The following MED24 variants were observed in gnomAD, a reference collection of about 807,000 sequenced individuals.
The protein encoded by MED24 is mediator of RNA polymerase II transcription subunit 24.
Under a neutral mutation model 118.8 loss-of-function variants are expected in MED24, and 74 were observed. That is an observed-to-expected ratio of 0.62 (90% CI 0.52 to 0.76). The LOEUF is 0.76. Among genes scored for constraint, MED24 ranks in the 30% least tolerant of loss-of-function variants. The pLI, the probability that MED24 is intolerant of heterozygous loss-of-function variation, is 0.00. For missense variants in MED24, 1,041 were observed against 1,278.9 expected, an observed-to-expected ratio of 0.81 and a Z score of 2.84; for synonymous variants, 521 against 523.9, an observed-to-expected ratio of 0.99 and a Z score of 0.08.
chr17:40,026,318 T>A lies in MED24; in HGVS notation c.1823A>T (p.Asn608Ile), dbSNP rs1401630486. The change falls in exon 19 of 26, where the codon AAC becomes ATC. Residue 608 changes from asparagine (N) to isoleucine (I), a missense_variant. Physicochemically the swap from Asn to Ile is moderately radical, Grantham distance 149. This residue lies in a region of MED24 where 587 missense variants were observed against 694.4 expected (regional missense o/e 0.85). Coordinates refer to ENST00000394128, the MANE Select transcript of MED24 (RefSeq NM_014815.4). ...AFESIQKITD[N>I]IKGKVCSLAV... ...CAGACTGCATACCTTCCCTTTGATG[T>A]TATCAGTGATTTTCTAGGGGAGACG... is the stretch of plus-strand genomic sequence containing the variant. The A allele has an allele frequency of 1.2e-6, 2 of 1,613,310 alleles. No homozygotes were observed. The highest frequency in any genetic ancestry group is 8.5e-7 in the Non-Finnish European group (1 of 1,179,514).
chr17:40,031,434 G>A, intron 11 of MED24, 104 bp downstream of exon 11: 2 of 1,327,732 alleles, frequency 1.5e-6, no homozygotes, highest in Admixed American at 1.8e-5. Flanking sequence ...GCCAAGGGGA[G>A]TGAACAAGGA....
intron 3 of MED24, among the ~76,000 whole-genome samples, chr17:40,051,365 C>A (rs998257649): frequency 3.9e-5 from 6 of 152,006 alleles, no homozygotes; most frequent in African/African-American, 1.4e-4. Flanking sequence ...CCTGTAAACC[C>A]AGCACTTTGG....
At chr17:40,035,845 G>C (rs765101768) in intron 4 of MED24, 50 bp from the exon 5 acceptor site, 1 of 1,545,056 alleles carries the variant, frequency 6.5e-7, no homozygotes, top group South Asian at 1.1e-5. Flanking sequence ...TCCACCCCCA[G>C]GTCTCACATG....
At chr17:40,025,218 C>T (rs376008519) in intron 19 of MED24, among the ~76,000 whole-genome samples, 2 of 152,110 alleles carry the variant, frequency 1.3e-5, no homozygotes, top group East Asian at 1.9e-4. Context: ...CGGTGGGTCA[C>T]GCCTGTAATC....
chr17:40,022,662 C>T lies in MED24; in HGVS notation c.2415G>A (p.Pro805=), dbSNP rs761413512. The T allele has an allele frequency of 1.1e-5, 17 of 1,613,248 alleles. No individual in the cohort carries two copies. Among genetic ancestry groups the T allele is most frequent in the South Asian group, 8.8e-5 (8 of 91,026 alleles). Residue 805 remains proline (P), a synonymous_variant, in exon 21 of 26, where the codon CCG becomes CCA. Coordinates refer to ENST00000394128, the MANE Select transcript of MED24 (RefSeq NM_014815.4). The part of the protein sequence containing the change: ...SSKWHSLMDP[P]GTALAKLAVW... The stretch of plus-strand genomic sequence containing the variant: ...AATCTTACTTGGCAAGAGCAGTGCC[C>T]GGGGGGTCCATGAGGCTGTGCCACT...
At chr17:40,039,185 C>A (rs79701737) in intron 3 of MED24, among the ~76,000 whole-genome samples, 1,548 of 152,342 alleles carry the variant, frequency 0.01, 14 homozygotes, top group Middle Eastern at 0.031. Flanking sequence ...ATTCTGAATT[C>A]TGTTCAGCAG....
Position 40,036,815 on chromosome 17 carries a change from G to T in MED24, c.214-661C>A, listed in dbSNP as rs566988457. ...ACTGTATTCCTACAGCTTCCGGCAA[G>T]AACAGAGGTTTTAATGGGTAAGAAC... On this transcript the variant is annotated intron_variant, in intron 3 of 25. Coordinates refer to ENST00000394128, the MANE Select transcript of MED24 (RefSeq NM_014815.4). Among the ~76,000 whole-genome samples, 10 of 152,152 alleles carry T rather than the reference G, an allele frequency of 6.6e-5. No individual in the cohort carries two copies. The South Asian group carries it at 8.3e-4, about 13-fold the overall frequency.
chr17:40,021,062 G>A (rs1981926685), intron 23 of MED24: 1 of 151,692 alleles, frequency 6.6e-6, no homozygotes, highest in African/African-American at 2.4e-5. Context: ...AACAGAGGGA[G>A]ACTCCAACTC....
Position 40,026,277 on chromosome 17 carries a change from C to T in MED24, c.1864G>A (p.Ala622Thr), listed in dbSNP as rs1982632486. The T allele has an allele frequency of 2.5e-6, 4 of 1,614,086 alleles. No individual in the cohort carries two copies. The South Asian group carries it at 4.4e-5, about 18-fold the overall frequency. Reference sequence around the variant, plus strand: ...ATCCGGACGTGGGCCACAAGCCAAGCCACAGCACACACCGCCAGACTGCAT... The same window carrying T: ...ATCCGGACGTGGGCCACAAGCCAAGTCACAGCACACACCGCCAGACTGCAT... ...KVCSLAVCAV[A>T]WLVAHVRMLG... The change falls in exon 19 of 26, where the codon GCT becomes ACT. Residue 622 changes from alanine (A) to threonine (T), a missense_variant. Ala to Thr is a moderately conservative substitution (Grantham distance 58). Around this residue, in one of 3 missense-constraint regions of MED24, gnomAD observed 587 missense variants for 694.4 expected, o/e 0.85. Coordinates refer to ENST00000394128, the MANE Select transcript of MED24 (RefSeq NM_014815.4).
intron 2 of MED24, 32 bp from the exon 3 acceptor site, chr17:40,053,412 G>A (rs1316403688): frequency 5.0e-6 from 8 of 1,613,342 alleles, no homozygotes; most frequent in African/African-American, 1.3e-5. Flanking sequence ...ACAACTGAGT[G>A]ATTACAACTT....
chr17:40,025,718 G>A (rs1016682139), intron 19 of MED24, among the ~76,000 whole-genome samples: 1 of 152,126 alleles, frequency 6.6e-6, no homozygotes, highest in African/African-American at 2.4e-5. Context: ...TTATTGGTTG[G>A]GTGAATGAAC....
rs193281079 is a variant in MED24 at position 40,044,051 on chromosome 17, C to A, written c.214-7897G>T. Among the ~76,000 whole-genome samples, 34 of 140,932 alleles carry A rather than the reference C, an allele frequency of 2.4e-4. 1 individual carries two copies. The highest frequency in any genetic ancestry group is 2.1e-3 in the Admixed American group (28 of 13,114). 92.5% of individuals were successfully genotyped at this position (140,932 alleles called of 152,430 possible). A position where few individuals can be genotyped will look rare whatever the true frequency, so the allele number is the denominator to read the frequency against. On this transcript the variant is annotated intron_variant, in intron 3 of 25. Coordinates refer to ENST00000394128, the MANE Select transcript of MED24 (RefSeq NM_014815.4). The stretch of plus-strand genomic sequence containing the variant: ...GCTGAGGCAGGAGAATGGCTGGAAC[C>A]GGGGAAGCTAAGGTTGCAATAAGCC...
At chr17:40,032,330 T>C (rs988620218) in intron 9 of MED24, 2 of 580,450 alleles carry the variant, frequency 3.4e-6, no homozygotes, top group African/African-American at 1.9e-5. Flanking sequence ...CAGAAAAAGA[T>C]GCCATAAGCA....
chr17:40,019,809 G>A lies in MED24; in HGVS notation c.2829C>T (p.Val943=), dbSNP rs746839234. Reference sequence around the variant, plus strand: ...CGGTGGTGAAGGGCATGAACTGCAGGACGCTGCCACGGCCACCCTGCTCCA... The same window carrying A: ...CGGTGGTGAAGGGCATGAACTGCAGAACGCTGCCACGGCCACCCTGCTCCA... The part of the protein sequence containing the change: ...DCLEQGGRGS[V]LQFMPFTTVS... Residue 943 remains valine, a synonymous_variant, in exon 25 of 26, where the codon GTC becomes GTT. Transcript: ENST00000394128. 36 of 1,608,670 alleles carry A rather than the reference G, an allele frequency of 2.2e-5. No homozygotes were observed. The highest frequency in any genetic ancestry group is 3.0e-5 in the Non-Finnish European group (35 of 1,177,446).
rs1414585638 is a variant in MED24, at chr17:40,022,417, T to C, written c.2500A>G (p.Lys834Glu). ...HKGQASTRQKKRHREDIEDYI... is the reference protein window; with the variant it reads ...HKGQASTRQKERHREDIEDYI... ...ACCTCAATGTCTTCGCGGTGTCTCT[T>C]CTTCTGGCGGGTGGACGCCTGTCCC... Residue 834 changes from lysine to glutamate, a missense_variant, in exon 22 of 26, where the codon AAG becomes GAG. This residue lies in a region of MED24 where 587 missense variants were observed against 694.4 expected (regional missense o/e 0.85). Transcript: ENST00000394128. 6.2e-7 allele frequency: 1 copy of C among 1,611,050 alleles called. No homozygotes were observed. Among genetic ancestry groups the C allele is most frequent in the East Asian group, 2.2e-5 (1 of 44,776 alleles).
chr17:40,023,433 A>C lies in MED24; in HGVS notation c.1986-38T>G, dbSNP rs750926673. Reference sequence around the variant, plus strand: ...CGAGAGAACCTGAGGCTCAGGTGCCACTGTAGGGTGGGGAGGGAGAGGAGG... The same window carrying C: ...CGAGAGAACCTGAGGCTCAGGTGCCCCTGTAGGGTGGGGAGGGAGAGGAGG... On this transcript the variant is annotated intron_variant, in intron 19 of 25. Transcript: ENST00000394128. The C allele has an allele frequency of 2.6e-6, 4 of 1,543,760 alleles. No individual in the cohort carries two copies. The South Asian group carries it at 3.7e-5, about 14-fold the overall frequency.
intron 14 of MED24, 165 bp from the exon 15 acceptor site, chr17:40,028,111 TTTG>T (rs1982927493): frequency 1.4e-6 from 1 of 728,606 alleles, no homozygotes. Context: ...GTTTTTGTTT[TTTG>T]TTTTTTTTTT....
chr17:40,020,946 G>A (rs1202306926), intron 23 of MED24, among the ~76,000 whole-genome samples: 2 of 152,138 alleles, frequency 1.3e-5, no homozygotes, highest in Non-Finnish European at 2.9e-5. Flanking sequence ...TGTGGCAGGC[G>A]CCTGTAGTCC....
rs1457985009 is a variant in MED24 at position 40,023,549 on chromosome 17, CG to C, written c.1986-155del. ...TTTTGCGCTGGGGGACGGTATACCCCGGGGTGACCTGGCCCCTGCTCTGCTC... is the reference window on the plus strand; with the variant it reads ...TTTTGCGCTGGGGGACGGTATACCCCGGGTGACCTGGCCCCTGCTCTGCTC... On this transcript the variant is annotated intron_variant, in intron 19 of 25. Transcript: ENST00000394128. 5.7e-6 allele frequency: 4 copies of C among 699,212 alleles called. No homozygotes were observed. In the Admixed American group the frequency reaches 9.1e-5, roughly 16 times the overall value. The allele number at this position is 699,212 out of a possible 1,614,324, so 43.3% of individuals were successfully genotyped here.
Sources: allele counts gnomAD v4.1 joint callset (sites outside exome capture counted in the v4.1 genomes callset), GRCh38; gene constraint gnomAD v4.1.1; regional missense constraint gnomAD v4.1.1; transcripts MANE v1.5; gene names NCBI Gene and HGNC (gene_info 2026-07-23, HGNC 2026-07-21).